Variants in COL14A1 observed in about 807,000 individuals in gnomAD.
The protein encoded by COL14A1 is collagen type XIV alpha 1 chain.
COL14A1 carries 136 observed loss-of-function variants against 230.3 expected under a neutral mutation model. The ratio of observed to expected loss-of-function variants is 0.59; its 90% CI spans 0.51 to 0.68. The LOEUF (loss-of-function observed/expected upper bound fraction) is 0.68. Among genes scored for constraint, COL14A1 ranks in the 30% least tolerant of loss-of-function variants. The pLI is 0.00. For missense variants in COL14A1, 1,976 were observed against 2,215.8 expected, an observed-to-expected ratio of 0.89 and a Z score of 2.17; for synonymous variants, 792 against 784.1, an observed-to-expected ratio of 1.01 and a Z score of -0.17.
chr8:120,205,983 A>AAC (rs987422699), intron 9 of COL14A1, among the ~76,000 whole-genome samples: 3 of 152,028 alleles, frequency 2.0e-5, no homozygotes, highest in Non-Finnish European at 2.9e-5. Context: ...TAACATGTGT[A>AAC]ACACACACAC....
intron 1 of COL14A1, among the ~76,000 whole-genome samples, chr8:120,127,235 A>G (rs920156321): frequency 6.6e-6 from 1 of 152,186 alleles, no homozygotes; most frequent in Non-Finnish European, 1.5e-5. Context: ...TGTACAGGCT[A>G]TCTTTCTTAT....
At chr8:120,333,857 C>T (rs930583433) in intron 42 of COL14A1, among the ~76,000 whole-genome samples, 1 of 152,108 alleles carries the variant, frequency 6.6e-6, no homozygotes, top group South Asian at 2.1e-4. Flanking sequence ...CTTTTTCTGC[C>T]GTAGTCACTT....
intron 9 of COL14A1, among the ~76,000 whole-genome samples, chr8:120,206,483 G>T (rs1450455725): frequency 6.6e-6 from 1 of 152,140 alleles, no homozygotes; most frequent in Non-Finnish European, 1.5e-5. Flanking sequence ...CAAAGTAGCT[G>T]GGATTACAGG....
At chr8:120,358,714 A>G (rs1483092777) in intron 45 of COL14A1, among the ~76,000 whole-genome samples, 1 of 151,932 alleles carries the variant, frequency 6.6e-6, no homozygotes, top group African/African-American at 2.4e-5. Flanking sequence ...GTATTTCATC[A>G]TTTTCTAAAT....
chr8:120,153,306 C>T (rs1815350640), intron 2 of COL14A1, among the ~76,000 whole-genome samples: 1 of 152,180 alleles, frequency 6.6e-6, no homozygotes, highest in Non-Finnish European at 1.5e-5. Flanking sequence ...TCTCAGCCTC[C>T]TGAGTAGCTG....
chr8:120,310,121 C>A, intron 37 of COL14A1, 59 bp downstream of exon 37: 1 of 1,552,412 alleles, frequency 6.4e-7, no homozygotes, highest in Non-Finnish European at 8.8e-7. Context: ...TCATAAATAG[C>A]CATCATTTTG....
At chr8:120,293,640 G>A (rs1169051717) in intron 34 of COL14A1, among the ~76,000 whole-genome samples, 2 of 151,772 alleles carry the variant, frequency 1.3e-5, no homozygotes, top group Non-Finnish European at 3.0e-5. Context: ...AAGATCATCT[G>A]CCTTTCATTC....
intron 1 of COL14A1, among the ~76,000 whole-genome samples, chr8:120,128,204 C>A (rs945762778): frequency 7.1e-6 from 1 of 140,770 alleles, no homozygotes; most frequent in East Asian, 2.1e-4. Flanking sequence ...GTTCCTGTGA[C>A]GTGTGTGTGT....
intron 33 of COL14A1, among the ~76,000 whole-genome samples, 186 bp from the exon 34 acceptor site, chr8:120,289,422 G>A (rs1198103949): frequency 6.6e-6 from 1 of 151,970 alleles, no homozygotes; most frequent in Non-Finnish European, 1.5e-5. Flanking sequence ...AAATAGAGAT[G>A]GTACTTGAAT....
At chr8:120,309,931 C>T (rs561841761) in intron 36 of COL14A1, 78 bp from the exon 37 acceptor site, 564 of 1,364,462 alleles carry the variant, frequency 4.1e-4, no homozygotes, top group Non-Finnish European at 5.6e-4. Flanking sequence ...TGAGTTAATT[C>T]ATACTATTAA....
intron 23 of COL14A1, among the ~76,000 whole-genome samples, chr8:120,259,251 T>C (rs1819255073): frequency 6.6e-6 from 1 of 152,190 alleles, no homozygotes; most frequent in Admixed American, 6.6e-5. Flanking sequence ...CTGGATATTC[T>C]TTGCTTGTGG....
chr8:120,145,146 A>G (rs1328655321), intron 1 of COL14A1, among the ~76,000 whole-genome samples: 1 of 152,272 alleles, frequency 6.6e-6, no homozygotes. Flanking sequence ...TTTACTGGTT[A>G]TGAAAAATCT....
chr8:120,134,005 G>A (rs113305615), intron 1 of COL14A1, among the ~76,000 whole-genome samples: 1 of 151,760 alleles, frequency 6.6e-6, no homozygotes, highest in African/African-American at 2.4e-5. Context: ...TCCATTAACA[G>A]GAAATAAAAC....
intron 4 of COL14A1, among the ~76,000 whole-genome samples, chr8:120,167,147 T>A (rs926546939): frequency 1.1e-4 from 17 of 152,000 alleles, no homozygotes; most frequent in African/African-American, 4.1e-4. Flanking sequence ...ATAATAGAAT[T>A]GGAGTGACAT....
intron 4 of COL14A1, among the ~76,000 whole-genome samples, chr8:120,164,403 C>T (rs956801599): frequency 1.3e-5 from 2 of 152,086 alleles, no homozygotes; most frequent in African/African-American, 2.4e-5. Flanking sequence ...AGATTTTTTA[C>T]ACCCCTTCCC....
chr8:120,332,223 T>C, intron 41 of COL14A1, 29 bp downstream of exon 41: 1 of 1,600,160 alleles, frequency 6.2e-7, no homozygotes, highest in Non-Finnish European at 8.6e-7. Context: ...TACTGGGACA[T>C]ACTCTGTTTT....
At chr8:120,164,754 G>A (rs1240418816) in intron 4 of COL14A1, among the ~76,000 whole-genome samples, 4 of 152,092 alleles carry the variant, frequency 2.6e-5, no homozygotes, top group Admixed American at 6.5e-5. Flanking sequence ...CATTTTACTG[G>A]CACTGCACTT....
intron 3 of COL14A1, among the ~76,000 whole-genome samples, chr8:120,162,220 T>A (rs1586727783): frequency 6.6e-6 from 1 of 152,372 alleles, no homozygotes; most frequent in East Asian, 1.9e-4. Flanking sequence ...CCATTGTATG[T>A]ATTTTTAAAT....
rs565341287 is a variant in COL14A1 at position 120,181,967 on chromosome 8, G to A, written c.436+13720G>A. ...ACTCCTCCCCGTCACCCCCCTCCCC[G>A]AAAAGTTATGCTTATGCACTCCTGA... On this transcript the variant is annotated intron_variant, in intron 5 of 47. Coordinates refer to ENST00000297848, the MANE Select transcript of COL14A1 (RefSeq NM_021110.4). Among the ~76,000 whole-genome samples, 17 of 152,012 alleles carry A rather than the reference G, an allele frequency of 1.1e-4. No individual in the cohort carries two copies. In the East Asian group the frequency reaches 2.5e-3, roughly 23 times the overall value.
Sources: gnomAD v4.1 joint callset for allele counts (sites outside exome capture counted in the v4.1 genomes callset) on GRCh38, gnomAD v4.1.1 for gene constraint, MANE v1.5 for transcripts, NCBI Gene and HGNC (gene_info 2026-07-23, HGNC 2026-07-21) for gene names.